FSTL5: variants seen among roughly 807,000 people sequenced by gnomAD.
FSTL5 encodes follistatin like 5, also known as follistatin-related protein 5.
In FSTL5, 62 loss-of-function variants were observed where a neutral mutation model predicts 89.1. That is an observed-to-expected ratio of 0.70 (90% CI 0.57 to 0.86). The LOEUF (loss-of-function observed/expected upper bound fraction) is 0.86, where lower values mean the gene tolerates loss of function less well. Among genes scored for constraint, FSTL5 ranks in the 40% least tolerant of loss-of-function variants. FSTL5 has a pLI of 0.00. For missense variants in FSTL5, 1,057 were observed against 1,001.6 expected, an observed-to-expected ratio of 1.06 and a Z score of -0.75; for synonymous variants, 383 against 346.2, an observed-to-expected ratio of 1.11 and a Z score of -1.18.
chr4:161,940,176 G>A (rs78743392), intron 3 of FSTL5, among the ~76,000 whole-genome samples: 18 of 151,680 alleles, frequency 1.2e-4, no homozygotes, highest in African/African-American at 3.9e-4. Flanking sequence ...TTTAAAAGCA[G>A]ATTTTAGCAA....
chr4:161,458,079 C>CACCCAGCTGAGCACCATCACCATGCG (rs1733428796), intron 14 of FSTL5, among the ~76,000 whole-genome samples: 1 of 152,084 alleles, frequency 6.6e-6, no homozygotes, highest in Non-Finnish European at 1.5e-5. Context: ...GGACACAAGG[C>CACCCAGCTGAGCACCATCACCATGCG]ACCCAGCTGA....
At chr4:161,919,835 A>G (rs1451890183) in intron 4 of FSTL5, among the ~76,000 whole-genome samples, 2 of 152,100 alleles carry the variant, frequency 1.3e-5, no homozygotes, top group Non-Finnish European at 2.9e-5. Flanking sequence ...TTCTAAACCA[A>G]TGATTTTCAA....
At position 161,383,953 on chromosome 4, in the gene FSTL5, C is replaced by A. The variant is rs970090531; in HGVS notation, c.*1794G>T. 6.6e-6 allele frequency: 1 copy of A among 152,146 alleles called. No homozygotes were observed. The highest frequency in any genetic ancestry group is 2.4e-5 in the African/African-American group (1 of 41,440). 9.4% of individuals were successfully genotyped at this position (152,146 alleles called of 1,614,324 possible). A position where few individuals can be genotyped will look rare whatever the true frequency, so the allele number is the denominator to read the frequency against. On this transcript the variant is annotated 3_prime_UTR_variant, in exon 16 of 16. Coordinates refer to ENST00000306100, the MANE Select transcript of FSTL5 (RefSeq NM_020116.5). ...CAAGCAGTGTCTACAGACAGAGCAT[C>A]CACATGGTGTAAGCTACAAAAGAAG...
intron 3 of FSTL5, among the ~76,000 whole-genome samples, chr4:162,013,652 G>C (rs750823311): frequency 2.4e-4 from 36 of 152,098 alleles, no homozygotes; most frequent in Non-Finnish European, 4.7e-4. Flanking sequence ...TACAGGTTGG[G>C]ATCATGGCAC....
intron 7 of FSTL5, among the ~76,000 whole-genome samples, chr4:161,593,492 G>T (rs1326002192): frequency 6.6e-6 from 1 of 151,116 alleles, no homozygotes; most frequent in African/African-American, 2.4e-5. Flanking sequence ...GAGAAAAAAA[G>T]ATCAGAGAAG....
At chr4:161,875,857 T>C (rs948777933) in intron 4 of FSTL5, among the ~76,000 whole-genome samples, 1 of 152,180 alleles carries the variant, frequency 6.6e-6, no homozygotes, top group African/African-American at 2.4e-5. Context: ...TTGTTTTTGG[T>C]TGATGCTTTT....
intron 3 of FSTL5, among the ~76,000 whole-genome samples, chr4:161,973,565 G>C (rs1022912409): frequency 1.3e-5 from 2 of 152,146 alleles, no homozygotes; most frequent in African/African-American, 4.8e-5. Context: ...TTATAAGAAA[G>C]ATTAAATGAG....
intron 6 of FSTL5, among the ~76,000 whole-genome samples, chr4:161,721,465 G>A (rs71610977): frequency 0.11 from 17,297 of 151,940 alleles, 1,016 homozygotes; most frequent in Middle Eastern, 0.21. Flanking sequence ...GGTTACACAC[G>A]TATATACTTA....
chr4:162,081,773 A>T (rs766346282), intron 2 of FSTL5, among the ~76,000 whole-genome samples: 1 of 143,526 alleles, frequency 7.0e-6, no homozygotes, highest in African/African-American at 2.6e-5. Context: ...ATAGAACCAG[A>T]AAGAAAATTA....
At chr4:161,614,866 A>T (rs942439439) in intron 7 of FSTL5, among the ~76,000 whole-genome samples, 1 of 152,204 alleles carries the variant, frequency 6.6e-6, no homozygotes, top group African/African-American at 2.4e-5. Flanking sequence ...GAAAAGGAGA[A>T]TTTCAATTTA....
intron 5 of FSTL5, among the ~76,000 whole-genome samples, chr4:161,775,045 C>G (rs969254893): frequency 2.0e-5 from 3 of 152,126 alleles, no homozygotes; most frequent in Non-Finnish European, 4.4e-5. Flanking sequence ...TTAAGTTACA[C>G]TATTGCAAAG....
chr4:162,012,823 C>T (rs1201233694), intron 3 of FSTL5, among the ~76,000 whole-genome samples: 2 of 151,978 alleles, frequency 1.3e-5, no homozygotes, highest in African/African-American at 4.8e-5. Context: ...TTCACCCCTT[C>T]CTGTATATGA....
At chr4:162,133,981 C>T (rs1732420593) in intron 1 of FSTL5, among the ~76,000 whole-genome samples, 1 of 152,158 alleles carries the variant, frequency 6.6e-6, no homozygotes, top group African/African-American at 2.4e-5. Context: ...TTAATCTTAG[C>T]ACTGAAGGAC....
At chr4:161,923,301 T>TA (rs34772579) in intron 3 of FSTL5, among the ~76,000 whole-genome samples, 95,770 of 151,214 alleles carry the variant, frequency 0.63, 30,424 homozygotes, top group Middle Eastern at 0.72. Flanking sequence ...ATCTAAACTT[T>TA]AAAAAAAATT....
intron 3 of FSTL5, among the ~76,000 whole-genome samples, chr4:162,026,619 C>T (rs1737306501): frequency 6.6e-6 from 1 of 151,864 alleles, no homozygotes; most frequent in African/African-American, 2.4e-5. Context: ...TACAAACCTT[C>T]CACTAGAAAG....
intron 3 of FSTL5, among the ~76,000 whole-genome samples, chr4:162,012,140 C>T (rs1221774899): frequency 6.6e-6 from 1 of 152,180 alleles, no homozygotes. Flanking sequence ...AATATACTGT[C>T]TGGTTTATAT....
At chr4:161,590,991 A>G (rs1020695803) in intron 7 of FSTL5, among the ~76,000 whole-genome samples, 6 of 152,192 alleles carry the variant, frequency 3.9e-5, no homozygotes, top group Admixed American at 3.9e-4. Flanking sequence ...AGCTATATTT[A>G]TTAGTCATAA....
intron 3 of FSTL5, among the ~76,000 whole-genome samples, chr4:162,032,183 A>G (rs1684587175): frequency 6.6e-6 from 1 of 152,180 alleles, no homozygotes; most frequent in Non-Finnish European, 1.5e-5. Flanking sequence ...TATTTTTACT[A>G]TAAGTAAAAT....
intron 6 of FSTL5, among the ~76,000 whole-genome samples, chr4:161,754,239 C>CA (rs1456067508): frequency 6.6e-6 from 1 of 151,796 alleles, no homozygotes; most frequent in Non-Finnish European, 1.5e-5. Context: ...GTTTTACTGA[C>CA]AAAAACTTAA....
Sources: gnomAD v4.1 joint callset for allele counts (sites outside exome capture counted in the v4.1 genomes callset) on GRCh38, gnomAD v4.1.1 for gene constraint, MANE v1.5 for transcripts, NCBI Gene and HGNC (gene_info 2026-07-23, HGNC 2026-07-21) for gene names.